Variants in FXR1 observed in about 807,000 individuals in gnomAD.
FXR1 encodes the protein FMR1 autosomal homolog 1, also known as RNA-binding protein FXR1.
Under a neutral mutation model 84.0 loss-of-function variants are expected in FXR1, and 15 were observed. That is an observed-to-expected ratio of 0.18 (90% CI 0.12 to 0.27). The LOEUF (loss-of-function observed/expected upper bound fraction) is 0.27. Among genes scored for constraint, FXR1 ranks in the 10% least tolerant of loss-of-function variants. The pLI is 1.00. For missense variants in FXR1, 480 were observed against 774.4 expected (o/e 0.62, Z 4.51); for synonymous variants, 245 against 250.7 (o/e 0.98, Z 0.21).
intron 3 of FXR1, among the ~76,000 whole-genome samples, chr3:180,938,180 A>G (rs987752912): frequency 3.9e-5 from 6 of 152,228 alleles, no homozygotes; most frequent in Non-Finnish European, 8.8e-5. Context: ...CCAGAGTTAA[A>G]GTTAATATTC....
At chr3:180,933,410 G>C (rs528063049) in intron 2 of FXR1, 24 bp downstream of exon 2, 1 of 1,423,458 alleles carries the variant, frequency 7.0e-7, no homozygotes, top group South Asian at 1.2e-5. Flanking sequence ...GTTGACAAAG[G>C]CCTTAATTTT....
At chr3:180,916,765 A>G (rs1408641815) in intron 1 of FXR1, among the ~76,000 whole-genome samples, 2 of 152,032 alleles carry the variant, frequency 1.3e-5, no homozygotes, top group African/African-American at 4.8e-5. Context: ...GCTCATAGGA[A>G]AGTTTCCATG....
At chr3:180,970,383 A>T (rs1291280585) in intron 15 of FXR1, 25 bp downstream of exon 15, 43 of 368,170 alleles carry the variant, frequency 1.2e-4, no homozygotes, top group Admixed American at 4.0e-4. Context: ...AGGGAAGAGA[A>T]ATATATATAT....
intron 15 of FXR1, among the ~76,000 whole-genome samples, chr3:180,973,495 C>T (rs1713839340): frequency 6.6e-6 from 1 of 152,224 alleles, no homozygotes; most frequent in Admixed American, 6.5e-5. Flanking sequence ...AGTGCATTCA[C>T]TATGCTGTTC....
intron 14 of FXR1, among the ~76,000 whole-genome samples, chr3:180,969,881 A>G (rs1713316527): frequency 6.6e-6 from 1 of 152,196 alleles, no homozygotes; most frequent in African/African-American, 2.4e-5. Context: ...CTATTTTCTA[A>G]TGTATATTTT....
At chr3:180,942,377 CAAAA>C (rs765066164) in intron 3 of FXR1, among the ~76,000 whole-genome samples, 8 of 31,122 alleles carry the variant, frequency 2.6e-4, no homozygotes, top group East Asian at 2.8e-3. Context: ...GACTCCGTCT[CAAAA>C]AAAAAAAAAA....
intron 13 of FXR1, among the ~76,000 whole-genome samples, chr3:180,965,263 A>G (rs1200953110): frequency 6.6e-6 from 1 of 151,852 alleles, no homozygotes; most frequent in Admixed American, 6.6e-5. Flanking sequence ...TGATCTGTCT[A>G]CCTCGCCTCC....
At chr3:180,954,872 A>ATTT (rs11328945) in intron 9 of FXR1, among the ~76,000 whole-genome samples, 90 of 114,516 alleles carry the variant, frequency 7.9e-4, no homozygotes, top group African/African-American at 2.3e-3. Flanking sequence ...TTCTAAAAAG[A>ATTT]TTTTTTTTTT....
At chr3:180,954,643 A>T (rs1428656396) in intron 9 of FXR1, among the ~76,000 whole-genome samples, 1 of 152,182 alleles carries the variant, frequency 6.6e-6, no homozygotes. Flanking sequence ...AAAAAGAAGC[A>T]TCAAGATAAT....
intron 11 of FXR1, among the ~76,000 whole-genome samples, chr3:180,962,494 A>G (rs375518394): frequency 6.6e-6 from 1 of 152,358 alleles, no homozygotes; most frequent in East Asian, 1.9e-4. Context: ...GCTTGTTAAT[A>G]GTACCTTTCA....
At chr3:180,966,776 G>A (rs1419288855) in intron 13 of FXR1, among the ~76,000 whole-genome samples, 1 of 152,150 alleles carries the variant, frequency 6.6e-6, no homozygotes, top group African/African-American at 2.4e-5. Context: ...CTTAGTTGCA[G>A]TGGTCTGAAG....
At position 180,968,163 on chromosome 3, in the gene FXR1, C is replaced by T. The variant is rs1713077515; in HGVS notation, c.1311C>T (p.Asp437=). The T allele has an allele frequency of 1.9e-6, 3 of 1,613,602 alleles. No homozygotes were observed. Among genetic ancestry groups the T allele is most frequent in the Non-Finnish European group, 2.5e-6 (3 of 1,179,626 alleles). ...EDDRDSRHQR[D]SRRRPGGRGR... ...ATCGAGACAGCCGACATCAGCGTGA[C>T]AGCAGGAGACGCCCAGGAGGAAGAG... The change falls in exon 14 of 17, where the codon GAC becomes GAT. Residue 437 remains aspartate (D), a synonymous_variant. Transcript: ENST00000357559.
chr3:180,976,260 C>T lies in FXR1; in HGVS notation c.1834C>T (p.Gln612Ter), dbSNP rs1306242793. The T allele has an allele frequency of 6.2e-7, 1 of 1,610,878 alleles. No homozygotes were observed. The highest frequency in any genetic ancestry group is 8.5e-7 in the Non-Finnish European group (1 of 1,177,922). Residue 612 changes from glutamine (Q) to a stop codon, truncating the protein, a stop_gained, in exon 17 of 17, where the codon CAA becomes TAA. Transcript: ENST00000357559. LOFTEE classifies it high-confidence loss of function. ...TAATACCTTAAAAGAAGAAAACACT[C>T]AAGAAGCAGCAGTCCTGAATGGTGT... is the stretch of plus-strand genomic sequence containing the variant. ...KINTLKEENT[Q>*]EAAVLNGVS is the part of the protein sequence containing the mutation.
At chr3:180,938,473 G>T (rs541310336) in intron 3 of FXR1, among the ~76,000 whole-genome samples, 3 of 152,270 alleles carry the variant, frequency 2.0e-5, no homozygotes, top group Non-Finnish European at 4.4e-5. Flanking sequence ...CCCTTGTTCT[G>T]TGAATTGTCT....
intron 10 of FXR1, among the ~76,000 whole-genome samples, chr3:180,959,650 C>G (rs192176272): frequency 1.3e-5 from 2 of 151,838 alleles, no homozygotes; most frequent in South Asian, 2.1e-4. Flanking sequence ...CTCCCACCCC[C>G]CTTTTTATTC....
chr3:180,937,241 A>G (rs1720627545), intron 3 of FXR1, among the ~76,000 whole-genome samples: 1 of 152,184 alleles, frequency 6.6e-6, no homozygotes, highest in Non-Finnish European at 1.5e-5. Flanking sequence ...TTCTAGAATT[A>G]GAAATGTGTG....
At chr3:180,942,022 ATT>A (rs1246501241) in intron 3 of FXR1, among the ~76,000 whole-genome samples, 2 of 152,142 alleles carry the variant, frequency 1.3e-5, no homozygotes, top group Non-Finnish European at 2.9e-5. Context: ...AATATAGTTA[ATT>A]TACTGAAGAC....
chr3:180,960,973 T>C (rs1712028607), intron 10 of FXR1, among the ~76,000 whole-genome samples: 1 of 152,142 alleles, frequency 6.6e-6, no homozygotes, highest in Non-Finnish European at 1.5e-5. Context: ...TTAGCATTTT[T>C]TTCTCCTTAA....
At chr3:180,918,133 T>C (rs1412572530) in intron 1 of FXR1, among the ~76,000 whole-genome samples, 1 of 152,108 alleles carries the variant, frequency 6.6e-6, no homozygotes, top group Non-Finnish European at 1.5e-5. Flanking sequence ...TATTTTTCCG[T>C]ATTTTTACTT....
Sources: allele counts gnomAD v4.1 joint callset (sites outside exome capture counted in the v4.1 genomes callset), GRCh38; gene constraint gnomAD v4.1.1; transcripts MANE v1.5; gene names NCBI Gene and HGNC (gene_info 2026-07-23, HGNC 2026-07-21).